MLXIP: variants seen among roughly 807,000 people sequenced by gnomAD.
MLXIP encodes the protein MLX interacting protein.
MLXIP carries 30 observed loss-of-function variants against 87.2 expected under a neutral mutation model. That is an observed-to-expected ratio of 0.34 (90% CI 0.26 to 0.47). MLXIP has a LOEUF of 0.47. MLXIP is among the 20% of genes least tolerant of loss of function. The pLI is 1.00. For synonymous variants in MLXIP, 530 were observed against 514.0 expected (o/e 1.03, Z -0.42); for missense variants, 1,002 against 1,240.1 (o/e 0.81, Z 2.88).
chr12:122,130,905 C>T lies in MLXIP; in HGVS notation c.972C>T (p.Asp324=). 1.2e-6 allele frequency: 2 copies of T among 1,613,682 alleles called. No homozygotes were observed. The highest frequency in any genetic ancestry group is 1.7e-6 in the Non-Finnish European group (2 of 1,179,628). The change falls in exon 7 of 17, where the codon GAC becomes GAT. Residue 324 remains aspartate (D), a synonymous_variant. Coordinates refer to ENST00000319080, the MANE Select transcript of MLXIP (RefSeq NM_014938.6). ...PGLIPLQPNL[D]FMDTFEPFQD... ...TGATTCCTTTGCAGCCTAACCTGGA[C>T]TTCATGGACACCTTTGAGCCTTTCC...
At chr12:122,089,273 C>T (rs1177725653) in intron 1 of MLXIP, among the ~76,000 whole-genome samples, 1 of 152,180 alleles carries the variant, frequency 6.6e-6, no homozygotes, top group African/African-American at 2.4e-5. Context: ...TGGGCTGCCT[C>T]ATTTTAAGAC....
In MLXIP at chr12:122,135,208, C is replaced by T; in HGVS notation, c.1733-16C>T. 1 of 1,612,040 alleles carries T rather than the reference C, an allele frequency of 6.2e-7. No homozygotes were observed. Among genetic ancestry groups the T allele is most frequent in the East Asian group, 2.2e-5 (1 of 44,806 alleles). On this transcript the variant is annotated splice_polypyrimidine_tract_variant and intron_variant, in intron 9 of 16. Transcript: ENST00000319080. The surrounding 1 kb of genome is among the most constrained non-coding windows in gnomAD (Gnocchi z 5.3). ...TGGCCCAGGGCTGCACCTGAACATC[C>T]TCCTTATCCTGGCAGCTGCCTTTTC...
At chr12:122,091,267 C>G (rs1952241122) in intron 1 of MLXIP, among the ~76,000 whole-genome samples, 1 of 152,148 alleles carries the variant, frequency 6.6e-6, no homozygotes, top group Non-Finnish European at 1.5e-5. Context: ...TTTATCTTTA[C>G]TGTGTACAGT....
Position 122,141,012 on chromosome 12 carries a change from G to T in MLXIP, c.2567G>T (p.Ser856Ile). ...ESFKGMVSTS[S>I]LEELHRTALS... ...TTCAAGGGCATGGTGTCCACCAGCA[G>T]CCTGGAGGAGCTGCACCGGACGGCG... Residue 856 changes from serine (S) to isoleucine (I), a missense_variant, in exon 16 of 17, where the codon AGC becomes ATC. Coordinates refer to ENST00000319080, the MANE Select transcript of MLXIP (RefSeq NM_014938.6). 6.2e-7 allele frequency: 1 copy of T among 1,613,994 alleles called. No homozygotes were observed. Among genetic ancestry groups the T allele is most frequent in the African/African-American group, 1.3e-5 (1 of 75,074 alleles).
intron 1 of MLXIP, among the ~76,000 whole-genome samples, chr12:122,123,188 C>A (rs1038605458): frequency 1.3e-5 from 2 of 152,172 alleles, no homozygotes; most frequent in Non-Finnish European, 2.9e-5. Flanking sequence ...CTTTGTGACA[C>A]CTGACGCATT....
At chr12:122,132,408 G>A in intron 8 of MLXIP, 25 bp downstream of exon 8, 1 of 1,576,486 alleles carries the variant, frequency 6.3e-7, no homozygotes, top group South Asian at 1.1e-5. Context: ...GGGATGGGTG[G>A]GGGAAGGGGC....
chr12:122,080,960 A>G (rs1433360309), intron 1 of MLXIP, among the ~76,000 whole-genome samples: 2 of 152,322 alleles, frequency 1.3e-5, no homozygotes, highest in South Asian at 2.1e-4. Context: ...CACGGGGGGC[A>G]TGGACTGGAA....
At chr12:122,115,110 C>T (rs1200128479) in intron 1 of MLXIP, among the ~76,000 whole-genome samples, 4 of 151,836 alleles carry the variant, frequency 2.6e-5, no homozygotes, top group Non-Finnish European at 4.4e-5. Context: ...TTCTAGGTGG[C>T]GGAATTGAAG....
intron 1 of MLXIP, among the ~76,000 whole-genome samples, chr12:122,098,588 T>C (rs1952390520): frequency 1.3e-5 from 2 of 152,202 alleles, no homozygotes; most frequent in Admixed American, 1.3e-4. Context: ...TGGCCTGCCT[T>C]CTGTCAGGTC....
chr12:122,132,595 C>A (rs1953000693), intron 8 of MLXIP: 2 of 546,322 alleles, frequency 3.7e-6, no homozygotes, highest in Non-Finnish European at 6.5e-6. Flanking sequence ...ACTCTTGGTC[C>A]AGGTGTGCTT....
At chr12:122,139,503 C>T (rs1046924111) in intron 15 of MLXIP, among the ~76,000 whole-genome samples, 7 of 152,230 alleles carry the variant, frequency 4.6e-5, no homozygotes, top group Non-Finnish European at 8.8e-5. Context: ...TGCCACCGCT[C>T]TGCCTCTGAG....
intron 1 of MLXIP, among the ~76,000 whole-genome samples, chr12:122,087,717 C>T (rs754312844): frequency 6.6e-6 from 1 of 152,126 alleles, no homozygotes; most frequent in African/African-American, 2.4e-5. Flanking sequence ...TTTATCTCCA[C>T]AGGGCGGCTG....
chr12:122,093,034 GGT>G (rs1236298421), intron 1 of MLXIP, among the ~76,000 whole-genome samples: 22,853 of 147,224 alleles, frequency 0.16, 2,106 homozygotes, highest in East Asian at 0.25. Context: ...ATGTATGTGT[GGT>G]GTGTGTGTAT....
intron 1 of MLXIP, among the ~76,000 whole-genome samples, chr12:122,087,430 G>T (rs1191609834): frequency 6.6e-6 from 1 of 152,182 alleles, no homozygotes; most frequent in East Asian, 1.9e-4. Context: ...GCTGGGTAGA[G>T]AAGTCCTCTG....
chr12:122,140,986 G>A lies in MLXIP; in HGVS notation c.2541G>A (p.Ser847=), dbSNP rs199986821. The change falls in exon 16 of 17, where the codon TCG becomes TCA. Residue 847 remains serine, a synonymous_variant. Coordinates refer to ENST00000319080, the MANE Select transcript of MLXIP (RefSeq NM_014938.6). ...FSIIIKPLFE[S]FKGMVSTSSL... ...TCATCATCAAGCCGCTGTTTGAGTC[G>A]TTCAAGGGCATGGTGTCCACCAGCA... 36 of 1,613,998 alleles carry A rather than the reference G, an allele frequency of 2.2e-5. No homozygotes were observed. Among genetic ancestry groups the A allele is most frequent in the South Asian group, 6.6e-5 (6 of 91,090 alleles).
chr12:122,131,588 T>C (rs1719916748), intron 7 of MLXIP, among the ~76,000 whole-genome samples: 1 of 151,764 alleles, frequency 6.6e-6, no homozygotes, highest in Non-Finnish European at 1.5e-5. Flanking sequence ...TACCTGGGAC[T>C]ACAGGCACAC....
chr12:122,129,176 G>A lies in MLXIP; in HGVS notation c.646G>A (p.Glu216Lys), dbSNP rs760607417. Residue 216 changes from glutamate (E) to lysine (K), a missense_variant, in exon 4 of 17, where the codon GAG (glutamate) becomes AAG (lysine). Around this residue, in one of 3 missense-constraint regions of MLXIP, gnomAD observed 127 missense variants for 239.0 expected, o/e 0.53. Transcript: ENST00000319080. ...TEGKYWKSRI[E>K]IVIREYHKWR... The stretch of plus-strand genomic sequence containing the variant: ...AGGGAAGTACTGGAAGAGCCGCATC[G>A]AGATTGTGATCCGGGAGTATCACAA... The A allele has an allele frequency of 2.3e-5, 37 of 1,611,630 alleles. No individual in the cohort carries two copies. The highest frequency in any genetic ancestry group is 4.5e-5 in the East Asian group (2 of 44,844).
rs1952053772 is a variant in MLXIP at position 122,079,052 on chromosome 12, C to A, written c.199C>A (p.Arg67Ser). Reference sequence around the variant, plus strand: ...ACCGCCGCCTCGGGCCGGGCCGGGCCGCGAGGAACCTCCGCGCCGCCAGCA... The same window carrying A: ...ACCGCCGCCTCGGGCCGGGCCGGGCAGCGAGGAACCTCCGCGCCGCCAGCA... ...APPPPRAGPG[R>S]EEPPRRQQII... Residue 67 changes from arginine to serine, a missense_variant, in exon 1 of 17, where the codon CGC becomes AGC. Around this residue, in one of 3 missense-constraint regions of MLXIP, gnomAD observed 129 missense variants for 104.2 expected, o/e 1.24. Transcript: ENST00000319080. The A allele has an allele frequency of 3.3e-6, 5 of 1,501,652 alleles. No homozygotes were observed. The highest frequency in any genetic ancestry group is 3.5e-6 in the Non-Finnish European group (4 of 1,127,782). 93.0% of individuals were successfully genotyped at this position (1,501,652 alleles called of 1,614,324 possible).
chr12:122,093,791 TGTGTGTGTCG>T (rs1159131674), intron 1 of MLXIP, among the ~76,000 whole-genome samples: 158 of 130,646 alleles, frequency 1.2e-3, no homozygotes, highest in African/African-American at 4.2e-3. Context: ...TTGCAGTGTC[TGTGTGTGTCG>T]GTGTGTGTCG....
Sources: gnomAD v4.1 joint callset for allele counts (sites outside exome capture counted in the v4.1 genomes callset) on GRCh38, gnomAD v4.1.1 for gene constraint, gnomAD v4.1.1 regional missense constraint, Gnocchi (gnomAD v3.1) non-coding constraint, MANE v1.5 for transcripts, NCBI Gene and HGNC (gene_info 2026-07-23, HGNC 2026-07-21) for gene names.